The following PDE1C variants were observed in gnomAD, a reference collection of about 807,000 sequenced individuals.
The protein encoded by PDE1C is dual specificity calcium/calmodulin-dependent 3',5'-cyclic nucleotide phosphodiesterase 1C.
A neutral mutation model predicts 93.1 loss-of-function variants in PDE1C; 62 were observed. That is an observed-to-expected ratio of 0.67 (90% confidence interval 0.54 to 0.82). The LOEUF is 0.82. Ranked by LOEUF, PDE1C falls within the 40% of genes least tolerant of loss-of-function variation. The pLI is 0.00. For missense variants in PDE1C, 742 were observed against 884.6 expected, an observed-to-expected ratio of 0.84 and a Z score of 2.04; for synonymous variants, 325 against 310.1, an observed-to-expected ratio of 1.05 and a Z score of -0.50.
intron 2 of PDE1C, among the ~76,000 whole-genome samples, chr7:32,014,465 TTTTA>T (rs1331139614): frequency 1.0e-4 from 15 of 145,628 alleles, no homozygotes; most frequent in Non-Finnish European, 2.2e-4. Flanking sequence ...ATGTCTTTTT[TTTTA>T]TTTATTTTAA....
chr7:31,695,401 C>A, the PDE1C span: 57 of 1,447,132 alleles, frequency 3.9e-5, no homozygotes, highest in Admixed American at 2.2e-4. Context: ...AATTAGGAAC[C>A]AAACAGTTTG....
chr7:31,640,969 A>G, the PDE1C span, among the ~76,000 whole-genome samples: 1 of 152,144 alleles, frequency 6.6e-6, no homozygotes, highest in African/African-American at 2.4e-5. Context: ...ATTATACAAA[A>G]TTGAGCCATT....
At chr7:31,850,970 A>G in intron 7 of PDE1C, 1 of 459,030 alleles carries the variant, frequency 2.2e-6, no homozygotes, top group Non-Finnish European at 4.0e-6. Flanking sequence ...TAGTAGTTTT[A>G]TCTTTTTCAA....
chr7:32,309,889 A>G (rs560104074), intron 1 of PDE1C, among the ~76,000 whole-genome samples: 1 of 152,350 alleles, frequency 6.6e-6, no homozygotes, highest in Middle Eastern at 3.4e-3. Flanking sequence ...GACCAAATAC[A>G]CACATAACAA....
upstream of PDE1C, among the ~76,000 whole-genome samples, chr7:32,074,263 C>A (rs1270498830): frequency 1.3e-5 from 2 of 152,058 alleles, no homozygotes; most frequent in African/African-American, 4.8e-5. Context: ...GAGAATGACC[C>A]CCCTGGTCTC....
At chr7:32,054,798 T>C (rs1040976325) in intron 1 of PDE1C, among the ~76,000 whole-genome samples, 1 of 152,218 alleles carries the variant, frequency 6.6e-6, no homozygotes, top group African/African-American at 2.4e-5. Context: ...CATCTTACAA[T>C]GGAGTTTGGA....
chr7:31,811,564 A>G (rs949947614), intron 15 of PDE1C, among the ~76,000 whole-genome samples: 3 of 152,104 alleles, frequency 2.0e-5, no homozygotes, highest in Non-Finnish European at 4.4e-5. Flanking sequence ...GATGGACTCA[A>G]GGATCTTGAG....
intron 16 of PDE1C, among the ~76,000 whole-genome samples, chr7:31,795,306 T>C (rs1785153733): frequency 6.6e-6 from 1 of 151,936 alleles, no homozygotes; most frequent in Non-Finnish European, 1.5e-5. Context: ...ATATTGTTAC[T>C]TGTGTTTCTC....
At chr7:31,699,829 A>G in the PDE1C span, among the ~76,000 whole-genome samples, 1 of 151,978 alleles carries the variant, frequency 6.6e-6, no homozygotes, top group East Asian at 1.9e-4. Flanking sequence ...GTGATCTGTG[A>G]TCAGTGATGT....
intron 2 of PDE1C, among the ~76,000 whole-genome samples, chr7:31,965,934 GCCCT>G (rs1357864267): frequency 6.6e-6 from 1 of 152,184 alleles, no homozygotes; most frequent in African/African-American, 2.4e-5. Flanking sequence ...CACCAGGCCT[GCCCT>G]AAAAGAGCTC....
In PDE1C at chr7:32,058,977, A is replaced by C. The variant is rs73098649; in HGVS notation, c.102-7397T>G. On this transcript the variant is annotated intron_variant, in intron 1 of 17. Transcript: ENST00000396191. ...AAGATTATAAAATGGAAAAAAAAAAAACCTCATTTTTACCTTGAACAGCCC... is the reference window on the plus strand; with the variant it reads ...AAGATTATAAAATGGAAAAAAAAAACACCTCATTTTTACCTTGAACAGCCC... Among the ~76,000 whole-genome samples the C allele has an allele frequency of 9.5e-3, 1,445 of 152,116 alleles. 33 individuals carry two copies. Among genetic ancestry groups the C allele is most frequent in the African/African-American group, 0.032 (1,329 of 41,514 alleles).
the PDE1C span, among the ~76,000 whole-genome samples, chr7:31,698,436 G>T: frequency 6.6e-6 from 1 of 152,060 alleles, no homozygotes; most frequent in Admixed American, 6.6e-5. Flanking sequence ...GTGGGTTTTT[G>T]ACCCCACCTG....
intron 11 of PDE1C, among the ~76,000 whole-genome samples, chr7:31,830,125 A>G (rs965680435): frequency 9.2e-5 from 14 of 151,378 alleles, no homozygotes; most frequent in Non-Finnish European, 1.3e-4. Context: ...AGCTGTGTAG[A>G]CTCGACTAAT....
intron 2 of PDE1C, among the ~76,000 whole-genome samples, chr7:31,913,199 C>A (rs544593112): frequency 1.3e-5 from 2 of 152,270 alleles, no homozygotes; most frequent in South Asian, 2.1e-4. Context: ...TAAGGCTACA[C>A]TTTCTTCCAT....
At chr7:32,044,222 G>C (rs1044346075) in intron 2 of PDE1C, among the ~76,000 whole-genome samples, 1 of 152,110 alleles carries the variant, frequency 6.6e-6, no homozygotes, top group Admixed American at 6.6e-5. Flanking sequence ...GGATCTTGAA[G>C]AAAAGATGGG....
rs202042924 is a variant in PDE1C at position 31,882,604 on chromosome 7, G to C, written c.129-1744C>G. On this transcript the variant is annotated intron_variant, in intron 2 of 17. Transcript: ENST00000396191. ...CTTTTCAAAGTTTAGTCTCAAAAAT[G>C]AAAGTAAAATTAGACTTTTTAAAGT... 7.2e-5 allele frequency among the ~76,000 whole-genome samples: 11 copies of C among 152,214 alleles called. No individual in the cohort carries two copies. In the East Asian group the frequency reaches 2.1e-3, roughly 29 times the overall value.
chr7:32,106,606 G>C (rs144475778), intron 3 of PDE1C, among the ~76,000 whole-genome samples: 3 of 152,084 alleles, frequency 2.0e-5, no homozygotes, highest in Admixed American at 2.0e-4. Flanking sequence ...ACTCCAAGCC[G>C]CAGACCCCAT....
At chr7:32,182,384 G>A (rs1298802073) in intron 2 of PDE1C, among the ~76,000 whole-genome samples, 3 of 152,090 alleles carry the variant, frequency 2.0e-5, no homozygotes, top group Admixed American at 1.3e-4. Flanking sequence ...GATGAACATC[G>A]ATGCAAAAAT....
At chr7:32,170,550 C>A (rs1802579242) in intron 2 of PDE1C, among the ~76,000 whole-genome samples, 1 of 152,146 alleles carries the variant, frequency 6.6e-6, no homozygotes, top group Admixed American at 6.5e-5. Context: ...AGATCAAACT[C>A]AACAGTGAGA....
Sources: allele counts gnomAD v4.1 joint callset (sites outside exome capture counted in the v4.1 genomes callset), GRCh38; gene constraint gnomAD v4.1.1; transcripts MANE v1.5; gene names NCBI Gene and HGNC (gene_info 2026-07-23, HGNC 2026-07-21).